LNX1: variants seen among roughly 807,000 people sequenced by gnomAD.
LNX1 encodes ligand of numb-protein X 1.
LNX1 carries 54 observed loss-of-function variants against 68.4 expected under a neutral mutation model. That is an observed-to-expected ratio of 0.79 (90% confidence interval 0.63 to 0.99). The LOEUF (loss-of-function observed/expected upper bound fraction) is 0.99, where lower values mean the gene tolerates loss of function less well. Ranked by LOEUF, LNX1 falls within the 50% of genes least tolerant of loss-of-function variation. LNX1 has a pLI of 0.00. For synonymous variants in LNX1, 336 were observed against 350.0 expected (o/e 0.96, Z 0.45); for missense variants, 906 against 926.4 (o/e 0.98, Z 0.29).
At chr4:53,513,089 T>G (rs1726480398) in intron 2 of LNX1, among the ~76,000 whole-genome samples, 1 of 117,758 alleles carries the variant, frequency 8.5e-6, no homozygotes, top group African/African-American at 3.1e-5. Context: ...CCACTGCATC[T>G]TAACCATACC....
chr4:53,509,824 T>C (rs1231665980), intron 2 of LNX1, among the ~76,000 whole-genome samples: 1 of 152,238 alleles, frequency 6.6e-6, no homozygotes, highest in Non-Finnish European at 1.5e-5. Context: ...GCAGTCATGA[T>C]GCAGACGTCA....
rs1266225756 is a variant in LNX1, at chr4:53,628,524, C to G, written c.-215+23644G>C. 3.3e-5 allele frequency among the ~76,000 whole-genome samples: 5 copies of G among 152,098 alleles called. No individual in the cohort carries two copies. In the East Asian group the frequency reaches 9.6e-4, roughly 29 times the overall value. On this transcript the variant is annotated intron_variant, in intron 1 of 2. Coordinates refer to the LNX1 transcript ENST00000507168. ...TTGTGGATGTGACAAAAGGGGAATGCTGGCTGGAATGTAAAGCACAACCTC... is the reference window on the plus strand; with the variant it reads ...TTGTGGATGTGACAAAAGGGGAATGGTGGCTGGAATGTAAAGCACAACCTC...
intron 1 of LNX1, among the ~76,000 whole-genome samples, chr4:53,582,499 ATG>A (rs2109801048): frequency 6.6e-6 from 1 of 152,286 alleles, no homozygotes; most frequent in South Asian, 2.1e-4. Flanking sequence ...ACCACATGGA[ATG>A]TGACATTTTA....
chr4:53,642,797 A>G (rs1734735008), intron 1 of LNX1, among the ~76,000 whole-genome samples: 1 of 152,166 alleles, frequency 6.6e-6, no homozygotes, highest in Admixed American at 6.5e-5. Context: ...GAATGGTGCC[A>G]TGACCATGAG....
chr4:53,624,246 C>T (rs1243028592), intron 1 of LNX1, among the ~76,000 whole-genome samples: 1 of 152,206 alleles, frequency 6.6e-6, no homozygotes, highest in Non-Finnish European at 1.5e-5. Context: ...ACCCAAATCT[C>T]ACCTTGAATT....
At chr4:53,571,133 C>T (rs1214080753) in intron 2 of LNX1, among the ~76,000 whole-genome samples, 1 of 151,764 alleles carries the variant, frequency 6.6e-6, no homozygotes, top group Non-Finnish European at 1.5e-5. Context: ...GATTCTCATG[C>T]CTCAGCCTCC....
intron 1 of LNX1, chr4:53,579,149 G>T: frequency 2.5e-6 from 1 of 395,234 alleles, no homozygotes; most frequent in Non-Finnish European, 3.4e-6. Flanking sequence ...TCAGCCATCA[G>T]CATCTCTGGC....
intron 1 of LNX1, among the ~76,000 whole-genome samples, chr4:53,640,607 T>C (rs1441880638): frequency 1.3e-5 from 2 of 152,208 alleles, no homozygotes; most frequent in Non-Finnish European, 1.5e-5. Context: ...AGCCACCAGT[T>C]GCAGGAGAAC....
At chr4:53,580,875 C>T (rs534673595) in intron 1 of LNX1, among the ~76,000 whole-genome samples, 30 of 152,226 alleles carry the variant, frequency 2.0e-4, no homozygotes, top group Non-Finnish European at 1.5e-5. Context: ...AATGTACCAA[C>T]ATAGTAAATA....
chr4:53,563,622 C>T (rs1269321008), intron 2 of LNX1, among the ~76,000 whole-genome samples: 1 of 151,828 alleles, frequency 6.6e-6, no homozygotes, highest in East Asian at 1.9e-4. Flanking sequence ...GCAACCTCTG[C>T]CTCCCAGGTT....
chr4:53,485,395 C>T (rs1301727783), intron 6 of LNX1, among the ~76,000 whole-genome samples: 1 of 152,188 alleles, frequency 6.6e-6, no homozygotes, highest in African/African-American at 2.4e-5. Context: ...ACTTGCACAT[C>T]GAATCAACTT....
At chr4:53,618,395 A>C (rs1257213996), upstream of LNX1, among the ~76,000 whole-genome samples, 2 of 152,234 alleles carry the variant, frequency 1.3e-5, no homozygotes, top group Admixed American at 6.5e-5. Context: ...TTCTAAAATA[A>C]TAATGGCCCA....
chr4:53,571,740 C>A (rs964253420), intron 2 of LNX1, among the ~76,000 whole-genome samples: 12 of 152,162 alleles, frequency 7.9e-5, no homozygotes, highest in Non-Finnish European at 4.4e-5. Context: ...CAGCTCACTT[C>A]ACCCTCAACT....
intron 2 of LNX1, among the ~76,000 whole-genome samples, chr4:53,520,364 G>C (rs917113500): frequency 6.6e-6 from 1 of 152,208 alleles, no homozygotes; most frequent in African/African-American, 2.4e-5. Flanking sequence ...GCCACAACCA[G>C]ATGTGGAGTT....
At chr4:53,565,372 C>A (rs541289076) in intron 2 of LNX1, among the ~76,000 whole-genome samples, 10 of 152,092 alleles carry the variant, frequency 6.6e-5, no homozygotes, top group African/African-American at 1.9e-4. Context: ...TGGGAGGCAC[C>A]CTCCAGCAGG....
At chr4:53,472,708 A>G (rs1403687530) in intron 9 of LNX1, among the ~76,000 whole-genome samples, 1 of 149,176 alleles carries the variant, frequency 6.7e-6, no homozygotes, top group Non-Finnish European at 1.5e-5. Flanking sequence ...AACAAAAAAC[A>G]ATGGGGAAGT....
intron 6 of LNX1, among the ~76,000 whole-genome samples, chr4:53,490,394 G>A (rs1724600538): frequency 2.0e-5 from 3 of 152,286 alleles, no homozygotes; most frequent in Admixed American, 1.3e-4. Context: ...ATTGACTTGA[G>A]AAATTGACAA....
intron 1 of LNX1, among the ~76,000 whole-genome samples, chr4:53,648,125 T>G (rs1430893601): frequency 6.6e-6 from 1 of 152,274 alleles, no homozygotes; most frequent in Non-Finnish European, 1.5e-5. Flanking sequence ...TACCAAGAAA[T>G]TGAATTGCTG....
chr4:53,638,643 G>A (rs977378211), intron 1 of LNX1, among the ~76,000 whole-genome samples: 4 of 152,122 alleles, frequency 2.6e-5, no homozygotes, highest in Non-Finnish European at 4.4e-5. Flanking sequence ...AAATGGCCCC[G>A]AAGCATAATG....
Sources: allele counts gnomAD v4.1 joint callset (sites outside exome capture counted in the v4.1 genomes callset), GRCh38; gene constraint gnomAD v4.1.1; transcripts MANE v1.5; gene names NCBI Gene and HGNC (gene_info 2026-07-23, HGNC 2026-07-21).